Variants in TRIM2 observed in about 807,000 individuals in gnomAD.
TRIM2 encodes tripartite motif-containing protein 2.
In TRIM2, 20 loss-of-function variants were observed where a neutral mutation model predicts 75.2. The ratio of observed to expected loss-of-function variants is 0.27; its 90% CI spans 0.19 to 0.39. TRIM2 has a LOEUF of 0.39. Ranked by LOEUF, TRIM2 falls within the 10% of genes least tolerant of loss-of-function variation. The pLI is 1.00. For synonymous variants in TRIM2, 373 were observed against 388.3 expected, an observed-to-expected ratio of 0.96 and a Z score of 0.46; for missense variants, 660 against 990.8, an observed-to-expected ratio of 0.67 and a Z score of 4.48.
chr4:153,312,021 G>A (rs1233411151), intron 6 of TRIM2, among the ~76,000 whole-genome samples: 1 of 150,516 alleles, frequency 6.6e-6, no homozygotes, highest in Admixed American at 6.6e-5. Flanking sequence ...CCACTAACTC[G>A]TCATCTAGCA....
intron 1 of TRIM2, among the ~76,000 whole-genome samples, chr4:153,231,991 G>A (rs1409598629): frequency 2.0e-5 from 3 of 152,086 alleles, no homozygotes; most frequent in Non-Finnish European, 2.9e-5. Context: ...GGAGCATTTC[G>A]GATTTCAGTC....
intron 1 of TRIM2, chr4:153,153,348 G>C (rs973056474): frequency 1.3e-5 from 2 of 152,280 alleles, no homozygotes; most frequent in African/African-American, 2.4e-5. Flanking sequence ...GGGACGGAAA[G>C]GCAGGGATAG....
intron 1 of TRIM2, among the ~76,000 whole-genome samples, chr4:153,231,740 A>G (rs1290887709): frequency 6.6e-6 from 1 of 152,104 alleles, no homozygotes; most frequent in Non-Finnish European, 1.5e-5. Context: ...TGGCTTATAA[A>G]TAGTGTTCTG....
chr4:153,199,646 G>C (rs938780194), upstream of TRIM2, among the ~76,000 whole-genome samples: 3 of 152,168 alleles, frequency 2.0e-5, no homozygotes, highest in Non-Finnish European at 2.9e-5. Context: ...TCCATAGAAA[G>C]GGTGCAAGCA....
chr4:153,194,668 G>T (rs1428741651), intron 1 of TRIM2, among the ~76,000 whole-genome samples: 1 of 152,088 alleles, frequency 6.6e-6, no homozygotes, highest in Non-Finnish European at 1.5e-5. Flanking sequence ...TCTTCATTGT[G>T]GTGATGGTTT....
At chr4:153,200,814 T>C (rs564041121), upstream of TRIM2, among the ~76,000 whole-genome samples, 4 of 149,498 alleles carry the variant, frequency 2.7e-5, no homozygotes, top group East Asian at 5.8e-4. Flanking sequence ...TTTTTCCTTA[T>C]TATTGTTATT....
intron 5 of TRIM2, 33 bp downstream of exon 5, chr4:153,294,518 G>A: frequency 6.2e-7 from 1 of 1,602,314 alleles, no homozygotes; most frequent in Non-Finnish European, 8.5e-7. Context: ...TGTCCTGGAA[G>A]AGACATGATA....
At chr4:153,311,881 G>T (rs1317434470) in intron 6 of TRIM2, among the ~76,000 whole-genome samples, 2 of 113,578 alleles carry the variant, frequency 1.8e-5, no homozygotes, top group Admixed American at 1.7e-4. Context: ...TTTGATAAAT[G>T]AAGTTTTTAT....
chr4:153,332,883 TAC>T (rs545907029), intron 11 of TRIM2, among the ~76,000 whole-genome samples: 120 of 152,284 alleles, frequency 7.9e-4, no homozygotes, highest in Non-Finnish European at 1.5e-3. Context: ...AATGCAAAAC[TAC>T]ACAGTCAGCC....
intron 1 of TRIM2, among the ~76,000 whole-genome samples, chr4:153,239,216 G>A (rs1377363701): frequency 6.6e-6 from 1 of 152,094 alleles, no homozygotes; most frequent in Non-Finnish European, 1.5e-5. Context: ...GCCAGGCGTC[G>A]TGGCGGGCAC....
At chr4:153,296,135 C>A in intron 6 of TRIM2, 99 bp downstream of exon 6, 1 of 1,414,232 alleles carries the variant, frequency 7.1e-7, no homozygotes, top group Non-Finnish European at 9.3e-7. Flanking sequence ...GCCCAGAACT[C>A]TACCTGCAGG....
chr4:153,314,437 A>T (rs1361066689), intron 6 of TRIM2, among the ~76,000 whole-genome samples: 2 of 143,498 alleles, frequency 1.4e-5, no homozygotes, highest in Non-Finnish European at 3.0e-5. Context: ...AAAAAAAAAA[A>T]AAAAAAGAGA....
intron 1 of TRIM2, among the ~76,000 whole-genome samples, chr4:153,194,770 G>A (rs1479356440): frequency 6.6e-6 from 1 of 152,180 alleles, no homozygotes; most frequent in African/African-American, 2.4e-5. Flanking sequence ...CCTAAGATTT[G>A]ATAAATAATT....
At chr4:153,327,630 T>C (rs1404641126) in intron 10 of TRIM2, among the ~76,000 whole-genome samples, 5 of 152,242 alleles carry the variant, frequency 3.3e-5, no homozygotes, top group Admixed American at 3.3e-4. Context: ...CAATTATGCT[T>C]ACTATAGTGT....
chr4:153,295,161 T>C lies in TRIM2; in HGVS notation c.787-152T>C. 1 of 1,074,806 alleles carries C rather than the reference T, an allele frequency of 9.3e-7. No individual in the cohort carries two copies. The highest frequency in any genetic ancestry group is 1.6e-5 in the African/African-American group (1 of 62,848). The allele number at this position is 1,074,806 out of a possible 1,614,324, so 66.6% of individuals were successfully genotyped here. A position where few individuals can be genotyped will look rare whatever the true frequency, so the allele number is the denominator to read the frequency against. ...GGGAATGCAGTTTAGGACTTTGCGT[T>C]AGCACTGGGTTCCCTGGGTTGACAA... On this transcript the variant is annotated intron_variant, in intron 5 of 11. Transcript: ENST00000338700. This position sits in a 1 kb window ranked among gnomAD's most constrained non-coding sequence, Gnocchi z 7.2.
rs1772732947 is a variant in TRIM2 at position 153,338,668 on chromosome 4, G to A, written c.*3702G>A. On this transcript the variant is annotated 3_prime_UTR_variant, in exon 12 of 12. Coordinates refer to ENST00000338700, the MANE Select transcript of TRIM2 (RefSeq NM_015271.5). Reference sequence around the variant, plus strand: ...ATGACAGTAAGCTACAAATCATGATGCTTAAAAACTTTCTAAAGATGAATT... The same window carrying A: ...ATGACAGTAAGCTACAAATCATGATACTTAAAAACTTTCTAAAGATGAATT... The A allele has an allele frequency of 1.0e-6, 1 of 985,634 alleles. No homozygotes were observed. Among genetic ancestry groups the A allele is most frequent in the African/African-American group, 1.7e-5 (1 of 57,214 alleles). 61.1% of individuals were successfully genotyped at this position (985,634 alleles called of 1,614,324 possible).
rs1419702072 is a variant in TRIM2 at position 153,159,386 on chromosome 4, T to G, written c.-49+6116T>G. 2.0e-5 allele frequency among the ~76,000 whole-genome samples: 3 copies of G among 147,152 alleles called. No individual in the cohort carries two copies. The East Asian group carries it at 6.2e-4, about 30-fold the overall frequency. ...TGACATGAACATAGGTCACTGCTGC[T>G]TGGTTCTGGACTCAAGTGATCCTCT... On this transcript the variant is annotated intron_variant, in intron 1 of 11. Transcript: ENST00000437508.
intron 1 of TRIM2, among the ~76,000 whole-genome samples, chr4:153,242,154 G>A (rs1340467600): frequency 2.0e-5 from 3 of 152,076 alleles, no homozygotes; most frequent in African/African-American, 4.8e-5. Context: ...CAATTTGACC[G>A]GATTAAAAGG....
intron 1 of TRIM2, among the ~76,000 whole-genome samples, chr4:153,216,843 G>A (rs6833092): frequency 0.36 from 54,598 of 151,932 alleles, 10,538 homozygotes; most frequent in East Asian, 0.62. Flanking sequence ...GCATTAATCC[G>A]TTCATGAAAG....
Sources: allele counts gnomAD v4.1 joint callset (sites outside exome capture counted in the v4.1 genomes callset), GRCh38; gene constraint gnomAD v4.1.1; non-coding constraint Gnocchi (gnomAD v3.1); transcripts MANE v1.5; gene names NCBI Gene and HGNC (gene_info 2026-07-23, HGNC 2026-07-21).